LMBRD2: variants seen among roughly 807,000 people sequenced by gnomAD.
The protein encoded by LMBRD2 is LMBR1 domain containing 2, also known as G protein-coupled receptor-associated protein LMBRD2.
Under a neutral mutation model 94.4 loss-of-function variants are expected in LMBRD2, and 55 were observed. That is an observed-to-expected ratio of 0.58 (90% CI 0.47 to 0.73). The LOEUF is 0.73. LMBRD2 is among the 30% of genes least tolerant of loss of function. LMBRD2 has a pLI of 0.00. For missense variants in LMBRD2, 640 were observed against 831.9 expected (o/e 0.77, Z 2.84); for synonymous variants, 246 against 272.4 (o/e 0.90, Z 0.95).
intron 12 of LMBRD2, 53 bp from the exon 13 acceptor site, chr5:36,114,574 T>C: frequency 6.9e-7 from 1 of 1,455,710 alleles, no homozygotes; most frequent in Non-Finnish European, 9.0e-7. Context: ...TAATTTCCAT[T>C]CCTTTCCATC....
chr5:36,143,076 A>G, intron 2 of LMBRD2, 100 bp downstream of exon 2: 1 of 846,548 alleles, frequency 1.2e-6, no homozygotes, highest in Admixed American at 3.0e-5. Context: ...TTAATTCAAA[A>G]CTGACATAAC....
chr5:36,116,397 A>C, intron 11 of LMBRD2, 63 bp downstream of exon 11: 3 of 1,461,032 alleles, frequency 2.1e-6, no homozygotes, highest in Non-Finnish European at 2.8e-6. Context: ...CAAAAAATAA[A>C]AGATCCATAA....
chr5:36,138,449 A>G (rs1744322365), intron 4 of LMBRD2, among the ~76,000 whole-genome samples: 1 of 152,226 alleles, frequency 6.6e-6, no homozygotes, highest in South Asian at 2.1e-4. Context: ...GAGAGATGCA[A>G]AAAAGTTCAC....
chr5:36,138,760 TGGAAA>T (rs1744332643), intron 4 of LMBRD2, among the ~76,000 whole-genome samples: 1 of 152,248 alleles, frequency 6.6e-6, no homozygotes, highest in Admixed American at 6.5e-5. Flanking sequence ...AGGCAGAAGC[TGGAAA>T]GGAATCTGAA....
At chr5:36,147,205 C>G (rs1175596008) in intron 1 of LMBRD2, among the ~76,000 whole-genome samples, 1 of 152,106 alleles carries the variant, frequency 6.6e-6, no homozygotes, top group African/African-American at 2.4e-5. Context: ...TATTATGACA[C>G]AGATTAGGAC....
rs1340130165 is a variant in LMBRD2 at position 36,103,543 on chromosome 5, T to C, written c.*503A>G. On this transcript the variant is annotated 3_prime_UTR_variant, in exon 18 of 18. Coordinates refer to ENST00000296603, the MANE Select transcript of LMBRD2 (RefSeq NM_001007527.2). ...GTTATGTCTAGTAAGTAAGCCTTGT[T>C]TTAAGACACGAGTTTTATGAATACA... 1 of 152,452 alleles carries C rather than the reference T, an allele frequency of 6.6e-6. No individual in the cohort carries two copies. The highest frequency in any genetic ancestry group is 1.9e-4 in the East Asian group (1 of 5,202). The allele number at this position is 152,452 out of a possible 1,614,324, so 9.4% of individuals were successfully genotyped here.
intron 3 of LMBRD2, 21 bp downstream of exon 3, chr5:36,142,481 T>A: frequency 7.1e-7 from 1 of 1,404,718 alleles, no homozygotes; most frequent in Non-Finnish European, 1.0e-6. Flanking sequence ...GTTTATATAT[T>A]TTTTTTAAAA....
At chr5:36,146,935 TGTGTGA>T (rs747469878) in intron 1 of LMBRD2, among the ~76,000 whole-genome samples, 3,769 of 123,530 alleles carry the variant, frequency 0.031, 135 homozygotes, top group African/African-American at 0.16. Context: ...TGTGTGTGTG[TGTGTGA>T]GTGTGTGTGT....
Position 36,141,124 on chromosome 5 carries a change from C to A in LMBRD2, c.351G>T (p.Thr117=). 3 of 1,593,700 alleles carry A rather than the reference C, an allele frequency of 1.9e-6. No homozygotes were observed. Among genetic ancestry groups the A allele is most frequent in the Non-Finnish European group, 2.6e-6 (3 of 1,165,794 alleles). ...MPIFWRVVYW[T]SQFLTWILLP... is the part of the protein sequence containing the mutation. Reference sequence around the variant, plus strand: ...TAACTTACCATGTTAAAAATTGTGACGTCCAATACACTACCCTCCAGAAAA... The same window carrying A: ...TAACTTACCATGTTAAAAATTGTGAAGTCCAATACACTACCCTCCAGAAAA... The change falls in exon 4 of 18, where the codon ACG becomes ACT. Residue 117 remains threonine (T), a synonymous_variant. Transcript: ENST00000296603.
At chr5:36,119,681 C>T (rs1319942368) in intron 9 of LMBRD2, among the ~76,000 whole-genome samples, 1 of 152,202 alleles carries the variant, frequency 6.6e-6, no homozygotes, top group Non-Finnish European at 1.5e-5. Context: ...TACTGCCTCA[C>T]TAGCCTACTA....
intron 17 of LMBRD2, among the ~76,000 whole-genome samples, chr5:36,104,410 T>C (rs1743416635): frequency 6.6e-6 from 1 of 152,062 alleles, no homozygotes; most frequent in African/African-American, 2.4e-5. Context: ...CTCTCAATTG[T>C]TGCAAATAAA....
intron 5 of LMBRD2, 59 bp downstream of exon 5, chr5:36,137,215 T>C (rs1479471629): frequency 2.6e-6 from 3 of 1,169,986 alleles, no homozygotes; most frequent in Non-Finnish European, 3.5e-6. Flanking sequence ...AAATTAAAAA[T>C]GATTTTTTAA....
At position 36,108,582 on chromosome 5, in the gene LMBRD2, G is replaced by T; in HGVS notation, c.1849C>A (p.His617Asn). Residue 617 changes from histidine (H) to asparagine (N), a missense_variant, in exon 16 of 18, where the codon CAT becomes AAT. Physicochemically the swap from His to Asn is moderately conservative, Grantham distance 68. Coordinates refer to ENST00000296603, the MANE Select transcript of LMBRD2 (RefSeq NM_001007527.2). Reference protein sequence around the residue: ...REDSTRNRNIHTDPKESNFSD... With the variant: ...REDSTRNRNINTDPKESNFSD... ...AAGTTTGACTCTTTGGGGTCAGTAT[G>T]AATATTTCTGTTCCTAGTGGAATCT... 1.3e-6 allele frequency: 2 copies of T among 1,596,666 alleles called. No homozygotes were observed. Among genetic ancestry groups the T allele is most frequent in the Non-Finnish European group, 1.7e-6 (2 of 1,168,246 alleles).
Position 36,116,597 on chromosome 5 carries a change from GA to G in LMBRD2, c.1303-5del, listed in dbSNP as rs758696347. 2 of 1,606,078 alleles carry G rather than the reference GA, an allele frequency of 1.2e-6. No individual in the cohort carries two copies. The highest frequency in any genetic ancestry group is 2.2e-5 in the East Asian group (1 of 44,780). ...AGATGGAAAGGAAGCAGGCAATCTG[GA>G]AAAAAACAAAAACAAAGCAGTTTGT... On this transcript the variant is annotated splice_region_variant and splice_polypyrimidine_tract_variant and intron_variant, in intron 10 of 17. Transcript: ENST00000296603.
chr5:36,108,718 A>C (rs747845090), intron 15 of LMBRD2, 79 bp from the exon 16 acceptor site: 16 of 535,348 alleles, frequency 3.0e-5, no homozygotes, highest in Non-Finnish European at 5.0e-5. Flanking sequence ...ATGCAATATA[A>C]TTTATTTTCA....
At chr5:36,140,196 A>G (rs924186706) in intron 4 of LMBRD2, among the ~76,000 whole-genome samples, 2 of 152,196 alleles carry the variant, frequency 1.3e-5, no homozygotes, top group Non-Finnish European at 2.9e-5. Flanking sequence ...ACCCAGCCAC[A>G]GGCTTTCACA....
At chr5:36,116,366 T>C in intron 11 of LMBRD2, 94 bp downstream of exon 11, 2 of 1,088,726 alleles carry the variant, frequency 1.8e-6, no homozygotes, top group East Asian at 2.4e-5. Flanking sequence ...ATATAGATGT[T>C]AGTGGAACAC....
chr5:36,109,918 G>T (rs1427393034), intron 15 of LMBRD2, 27 bp downstream of exon 15: 2 of 1,508,452 alleles, frequency 1.3e-6, no homozygotes, highest in Non-Finnish European at 1.8e-6. Flanking sequence ...TTAATCTTCA[G>T]ATTACAGAAA....
chr5:36,135,198 C>G (rs922344109), intron 6 of LMBRD2, among the ~76,000 whole-genome samples: 1 of 152,148 alleles, frequency 6.6e-6, no homozygotes, highest in African/African-American at 2.4e-5. Context: ...TTATCACTTC[C>G]TAGCCATGTA....
Sources: allele counts gnomAD v4.1 joint callset (sites outside exome capture counted in the v4.1 genomes callset), GRCh38; gene constraint gnomAD v4.1.1; transcripts MANE v1.5; gene names NCBI Gene and HGNC (gene_info 2026-07-23, HGNC 2026-07-21).